RASA1: variants seen among roughly 807,000 people sequenced by gnomAD.
RASA1 encodes the protein ras GTPase-activating protein 1.
RASA1 carries 25 observed loss-of-function variants against 132.2 expected under a neutral mutation model. That is an observed-to-expected ratio of 0.19 (90% confidence interval 0.14 to 0.26). The LOEUF (loss-of-function observed/expected upper bound fraction) is 0.26. RASA1 is among the 10% of genes least tolerant of loss of function. RASA1 has a pLI of 1.00. For missense variants in RASA1, 964 were observed against 1,299.2 expected, an observed-to-expected ratio of 0.74 and a Z score of 3.97; for synonymous variants, 477 against 449.9, an observed-to-expected ratio of 1.06 and a Z score of -0.76.
At chr5:87,377,370 G>A (rs553235889) in intron 17 of RASA1, among the ~76,000 whole-genome samples, 55 of 152,140 alleles carry the variant, frequency 3.6e-4, no homozygotes, top group African/African-American at 1.2e-3. Flanking sequence ...CATCTCAGTC[G>A]CCCAGGCTGC....
At chr5:87,389,631 A>C (rs1762333976) in intron 24 of RASA1, 104 bp downstream of exon 24, 2 of 1,447,802 alleles carry the variant, frequency 1.4e-6, no homozygotes, top group Middle Eastern at 1.8e-4. Context: ...TGTTACATTA[A>C]ATTTTTGAGA....
intron 1 of RASA1, among the ~76,000 whole-genome samples, chr5:87,308,796 C>A (rs1580225386): frequency 6.6e-6 from 1 of 152,000 alleles, no homozygotes; most frequent in Non-Finnish European, 1.5e-5. Context: ...GTGAAAATTG[C>A]CTATAGTATT....
chr5:87,374,052 G>A (rs1203954020), intron 13 of RASA1, 111 bp from the exon 14 acceptor site: 14 of 965,606 alleles, frequency 1.4e-5, no homozygotes, highest in Non-Finnish European at 1.6e-5. Context: ...AAAAAAAAGG[G>A]GAAAATAAGT....
chr5:87,285,666 G>A (rs1754523147), intron 1 of RASA1, among the ~76,000 whole-genome samples: 1 of 142,464 alleles, frequency 7.0e-6, no homozygotes. Flanking sequence ...CGCCTAGGCT[G>A]GAGTGCAATG....
At chr5:87,385,453 A>G (rs1005789366) in intron 22 of RASA1, 64 bp downstream of exon 22, 1 of 1,244,338 alleles carries the variant, frequency 8.0e-7, no homozygotes, top group African/African-American at 1.5e-5. Flanking sequence ...ATAAAACCAT[A>G]AATTGTGGCT....
At chr5:87,333,229 ACTAT>A (rs1214015073) in intron 3 of RASA1, 34 bp from the exon 4 acceptor site, 3 of 1,606,812 alleles carry the variant, frequency 1.9e-6, no homozygotes, top group East Asian at 4.5e-5. Context: ...AGATAAAAAG[ACTAT>A]CTTTTTAAAT....
intron 23 of RASA1, among the ~76,000 whole-genome samples, chr5:87,388,389 T>C (rs1762216572): frequency 6.6e-6 from 1 of 152,172 alleles, no homozygotes; most frequent in South Asian, 2.1e-4. Context: ...GTGTCGATAA[T>C]AAAGTACAGG....
chr5:87,369,571 T>C lies in RASA1; in HGVS notation c.1611-242T>C, dbSNP rs1227189984. Among the ~76,000 whole-genome samples the C allele has an allele frequency of 2.6e-5, 4 of 152,272 alleles. No homozygotes were observed. The East Asian group carries it at 7.7e-4, about 29-fold the overall frequency. ...CTTTATTTCTAATGTATTTTACAAT[T>C]AATTGAAATTTCTTTAGTTTACACT... On this transcript the variant is annotated intron_variant, in intron 11 of 24. Transcript: ENST00000274376.
chr5:87,345,985 T>C (rs1310569760), intron 6 of RASA1, among the ~76,000 whole-genome samples: 1 of 152,164 alleles, frequency 6.6e-6, no homozygotes, highest in Non-Finnish European at 1.5e-5. Context: ...TATATCCTTT[T>C]ATTTGAAGGT....
At chr5:87,291,609 A>G (rs1348458348) in intron 1 of RASA1, among the ~76,000 whole-genome samples, 1 of 152,178 alleles carries the variant, frequency 6.6e-6, no homozygotes, top group Non-Finnish European at 1.5e-5. Flanking sequence ...GGTTTGGGTC[A>G]TGGGGGAGGA....
At position 87,267,934 on chromosome 5, in the gene RASA1, C is replaced by A; in HGVS notation, c.-518C>A. ...CAGTTCAGTCGATTTCCTCGTTACC[C>A]CGCCCCCCTTTCTCTTGCCCCCCCA... On this transcript the variant is annotated 5_prime_UTR_variant, in exon 1 of 25. Transcript: ENST00000274376. The A allele has an allele frequency of 2.5e-6, 1 of 392,496 alleles. No individual in the cohort carries two copies. Among genetic ancestry groups the A allele is most frequent in the South Asian group, 1.3e-4 (1 of 7,620 alleles). The allele number at this position is 392,496 out of a possible 1,614,324, so 24.3% of individuals were successfully genotyped here.
At chr5:87,287,792 T>TATATATACACACCATATATATACC (rs1754716799) in intron 1 of RASA1, among the ~76,000 whole-genome samples, 2 of 89,742 alleles carry the variant, frequency 2.2e-5, no homozygotes, top group African/African-American at 9.5e-5. Context: ...GTACACGCCA[T>TATATATACACACCATATATATACC]ATATATACAC....
intron 20 of RASA1, 54 bp from the exon 21 acceptor site, chr5:87,383,659 A>G: frequency 7.5e-7 from 1 of 1,329,604 alleles, no homozygotes; most frequent in Admixed American, 2.0e-5. Flanking sequence ...TTAATGTAAC[A>G]CATTATATAG....
intron 19 of RASA1, 38 bp from the exon 20 acceptor site, chr5:87,380,471 T>C: frequency 6.5e-7 from 1 of 1,542,668 alleles, no homozygotes; most frequent in South Asian, 1.1e-5. Context: ...GTGTTTTCAC[T>C]TGCTTTCTGT....
intron 1 of RASA1, among the ~76,000 whole-genome samples, chr5:87,307,462 A>AAACAACAAC (rs139386250): frequency 6.6e-5 from 10 of 151,078 alleles, no homozygotes; most frequent in African/African-American, 2.4e-4. Context: ...CTCTGTCTCA[A>AAACAACAAC]AACAACAACA....
At chr5:87,281,591 G>A (rs777834214) in intron 1 of RASA1, among the ~76,000 whole-genome samples, 10 of 149,722 alleles carry the variant, frequency 6.7e-5, no homozygotes, top group Non-Finnish European at 1.2e-4. Flanking sequence ...TTTTGTTTTT[G>A]TTTTTTTGAG....
chr5:87,309,450 T>C (rs1483858895), intron 1 of RASA1, among the ~76,000 whole-genome samples: 9 of 152,092 alleles, frequency 5.9e-5, no homozygotes, highest in Admixed American at 5.9e-4. Flanking sequence ...AAGATAAGTA[T>C]ATGGTAATAC....
At chr5:87,324,622 C>G (rs1757082013) in intron 1 of RASA1, among the ~76,000 whole-genome samples, 1 of 152,152 alleles carries the variant, frequency 6.6e-6, no homozygotes, top group African/African-American at 2.4e-5. Flanking sequence ...CTAACTTGAT[C>G]TGAGATAAAT....
chr5:87,372,874 G>A (rs2112481699), intron 13 of RASA1, among the ~76,000 whole-genome samples: 1 of 152,244 alleles, frequency 6.6e-6, no homozygotes, highest in South Asian at 2.1e-4. Context: ...TATCTGATAA[G>A]CTGAGTGATT....
Sources: gnomAD v4.1 joint callset for allele counts (sites outside exome capture counted in the v4.1 genomes callset) on GRCh38, gnomAD v4.1.1 for gene constraint, MANE v1.5 for transcripts, NCBI Gene and HGNC (gene_info 2026-07-23, HGNC 2026-07-21) for gene names.